The following PTPRN2 variants were observed in gnomAD, a reference collection of about 807,000 sequenced individuals.
PTPRN2 encodes receptor-type tyrosine-protein phosphatase N2.
A neutral mutation model predicts 118.8 loss-of-function variants in PTPRN2; 74 were observed. That is an observed-to-expected ratio of 0.62 (90% confidence interval 0.52 to 0.76). PTPRN2 has a LOEUF of 0.76. Among genes scored for constraint, PTPRN2 ranks in the 30% least tolerant of loss-of-function variants. The pLI is 0.00. For missense variants in PTPRN2, 1,481 were observed against 1,394.4 expected, an observed-to-expected ratio of 1.06 and a Z score of -0.99; for synonymous variants, 641 against 608.0, an observed-to-expected ratio of 1.05 and a Z score of -0.80.
intron 2 of PTPRN2, among the ~76,000 whole-genome samples, chr7:158,317,198 A>AC (rs1380907697): frequency 1.3e-5 from 2 of 151,996 alleles, no homozygotes; most frequent in Non-Finnish European, 2.9e-5. Flanking sequence ...TTTCCTCCAT[A>AC]CCCCCCGAGC....
intron 13 of PTPRN2, among the ~76,000 whole-genome samples, chr7:157,666,938 G>C (rs930925254): frequency 9.2e-4 from 139 of 151,304 alleles, no homozygotes; most frequent in Non-Finnish European, 1.2e-3. Context: ...CTGATCTCTG[G>C]TGGGTGCAAT....
rs576660129 is a variant in PTPRN2, at chr7:157,733,188, T to G, written c.1789-50251A>C. On this transcript the variant is annotated intron_variant, in intron 12 of 22. Transcript: ENST00000389418. ...AGCACAGTTACCCTTTCCCGTCCCA[T>G]GCGCCCAGCACAGTTACCCTTTCCC... Among the ~76,000 whole-genome samples, 132 of 22,752 alleles carry G rather than the reference T, an allele frequency of 5.8e-3. 3 individuals carry two copies. Among genetic ancestry groups the G allele is most frequent in the African/African-American group, 8.6e-3 (39 of 4,520 alleles). 14.9% of individuals were successfully genotyped at this position (22,752 alleles called of 152,430 possible).
chr7:158,067,612 G>A lies in PTPRN2; in HGVS notation c.1723+13686C>T, dbSNP rs533226375. On this transcript the variant is annotated intron_variant, in intron 11 of 22. Transcript: ENST00000389418. The stretch of plus-strand genomic sequence containing the variant: ...AGGTTTCTGTAACGGGCTGGAGAGT[G>A]AGTGTCGGAGGCTTTGTGGGTCGGG... Among the ~76,000 whole-genome samples, 3 of 152,336 alleles carry A rather than the reference G, an allele frequency of 2.0e-5. No individual in the cohort carries two copies. The East Asian group carries it at 5.8e-4, about 29-fold the overall frequency.
chr7:157,641,217 T>C (rs1585153505), intron 14 of PTPRN2, among the ~76,000 whole-genome samples: 1 of 152,154 alleles, frequency 6.6e-6, no homozygotes, highest in Non-Finnish European at 1.5e-5. Context: ...GGATAATTAC[T>C]AAAGTATAAC....
chr7:158,071,307 G>T (rs1273592759), intron 11 of PTPRN2, among the ~76,000 whole-genome samples: 10 of 119,748 alleles, frequency 8.4e-5, no homozygotes, highest in Non-Finnish European at 9.0e-5. Context: ...CGTGGTGGAG[G>T]TGCCCATGGT....
At chr7:158,062,853 C>T (rs950813347) in intron 11 of PTPRN2, among the ~76,000 whole-genome samples, 2 of 152,216 alleles carry the variant, frequency 1.3e-5, no homozygotes, top group African/African-American at 4.8e-5. Context: ...CTGAGCCTCC[C>T]CTTCGCCATG....
intron 2 of PTPRN2, among the ~76,000 whole-genome samples, chr7:158,428,041 A>C (rs1343243567): frequency 6.6e-6 from 1 of 151,920 alleles, no homozygotes; most frequent in Non-Finnish European, 1.5e-5. Context: ...TGAGTCCTGC[A>C]TACCTAACTC....
intron 21 of PTPRN2, among the ~76,000 whole-genome samples, chr7:157,563,155 C>T (rs1241697199): frequency 8.1e-6 from 1 of 123,436 alleles, no homozygotes; most frequent in East Asian, 2.5e-4. Flanking sequence ...ATCAGGACCA[C>T]GTGCTCCCAC....
intron 12 of PTPRN2, among the ~76,000 whole-genome samples, chr7:157,766,184 AATCC>A (rs775536701): frequency 1.8e-3 from 214 of 116,214 alleles, no homozygotes; most frequent in Non-Finnish European, 2.6e-3. Context: ...TCTGTCCACC[AATCC>A]ATCCATCCAT....
chr7:158,403,478 T>C (rs1813101316), intron 2 of PTPRN2, among the ~76,000 whole-genome samples: 1 of 152,126 alleles, frequency 6.6e-6, no homozygotes, highest in South Asian at 2.1e-4. Context: ...TCCCAGGTAA[T>C]CCTCATGGGC....
At chr7:158,092,205 CAT>C (rs149332395) in intron 10 of PTPRN2, among the ~76,000 whole-genome samples, 68 of 147,630 alleles carry the variant, frequency 4.6e-4, no homozygotes, top group South Asian at 1.1e-3. Context: ...TATATGTGTG[CAT>C]ATATATATAT....
rs1802247905 is a variant in PTPRN2 at position 157,763,125 on chromosome 7, G to T, written c.1789-80188C>A. ...CAGAGCCCACGGCCGCCCACTCATG[G>T]TCGGTCACAGGGTTAACCCTCCATC... On this transcript the variant is annotated intron_variant, in intron 12 of 22. Coordinates refer to ENST00000389418, the MANE Select transcript of PTPRN2 (RefSeq NM_002847.5). This position sits in a 1 kb window ranked among gnomAD's most constrained non-coding sequence, Gnocchi z 4.9. Among the ~76,000 whole-genome samples, 1 of 130,740 alleles carries T rather than the reference G, an allele frequency of 7.6e-6. No individual in the cohort carries two copies. The highest frequency in any genetic ancestry group is 1.7e-5 in the Non-Finnish European group (1 of 59,800). The allele number at this position is 130,740 out of a possible 152,430, so 85.8% of individuals were successfully genotyped here. A position where few individuals can be genotyped will look rare whatever the true frequency, so the allele number is the denominator to read the frequency against.
chr7:157,930,945 G>C lies in PTPRN2; in HGVS notation c.1724-32208C>G, dbSNP rs73745033. On this transcript the variant is annotated intron_variant, in intron 11 of 22. Coordinates refer to ENST00000389418, the MANE Select transcript of PTPRN2 (RefSeq NM_002847.5). ...GAGGCAGAACCAGCTTCCCGCTGTA[G>C]CAGCTAAGAGGCTGCACTGAAGGGC... Among the ~76,000 whole-genome samples the C allele has an allele frequency of 2.1e-3, 326 of 152,112 alleles. 2 individuals carry two copies. The highest frequency in any genetic ancestry group is 7.6e-3 in the African/African-American group (315 of 41,490).
At chr7:158,070,390 GGTGCTCGTGGTGGTGGAC>G (rs1563386495) in intron 11 of PTPRN2, among the ~76,000 whole-genome samples, 8 of 146,876 alleles carry the variant, frequency 5.4e-5, no homozygotes, top group Admixed American at 1.4e-4. Flanking sequence ...TGGTGGTGGA[GGTGCTCGTGGTGGTGGAC>G]GTGCTCGTGG....
chr7:158,487,804 C>G (rs1205361002), intron 2 of PTPRN2, among the ~76,000 whole-genome samples: 1 of 152,138 alleles, frequency 6.6e-6, no homozygotes, highest in Non-Finnish European at 1.5e-5. Flanking sequence ...CCTCGCAAAG[C>G]GCAGTTTTCT....
chr7:157,563,925 GACC>G (rs1451643387), intron 21 of PTPRN2, among the ~76,000 whole-genome samples: 1 of 152,178 alleles, frequency 6.6e-6, no homozygotes, highest in Non-Finnish European at 1.5e-5. Flanking sequence ...AGCAGATCAG[GACC>G]ACATGCTCCC....
chr7:157,818,286 G>C (rs1806563846), intron 12 of PTPRN2, among the ~76,000 whole-genome samples: 1 of 152,160 alleles, frequency 6.6e-6, no homozygotes, highest in Non-Finnish European at 1.5e-5. Context: ...CCGGCAGTGT[G>C]TTGGTCATAG....
At chr7:158,471,292 C>T (rs1185526790) in intron 2 of PTPRN2, among the ~76,000 whole-genome samples, 1 of 151,908 alleles carries the variant, frequency 6.6e-6, no homozygotes, top group Non-Finnish European at 1.5e-5. Flanking sequence ...CTATGGACCA[C>T]GCCCACTGGA....
intron 1 of PTPRN2, among the ~76,000 whole-genome samples, chr7:158,562,264 G>C (rs556266670): frequency 6.6e-5 from 10 of 152,088 alleles, no homozygotes; most frequent in African/African-American, 2.4e-4. Flanking sequence ...CTCCATGAAG[G>C]GGGCGAGGAA....
Sources: gnomAD v4.1 joint callset for allele counts (sites outside exome capture counted in the v4.1 genomes callset) on GRCh38, gnomAD v4.1.1 for gene constraint, Gnocchi (gnomAD v3.1) non-coding constraint, MANE v1.5 for transcripts, NCBI Gene and HGNC (gene_info 2026-07-23, HGNC 2026-07-21) for gene names.